The following LSAMP variants were observed in gnomAD, a reference collection of about 807,000 sequenced individuals.
LSAMP encodes the protein limbic system-associated membrane protein.
A neutral mutation model predicts 38.6 loss-of-function variants in LSAMP; 7 were observed. The observed-to-expected ratio is 0.18, with a 90% CI of 0.10 to 0.34. The LOEUF is 0.34. Among genes scored for constraint, LSAMP ranks in the 10% least tolerant of loss-of-function variants. The pLI is 1.00. For missense variants in LSAMP, 313 were observed against 420.0 expected (o/e 0.75, Z 2.23); for synonymous variants, 154 against 166.8 (o/e 0.92, Z 0.59).
In LSAMP at chr3:115,807,724, T is replaced by C. The variant is rs1452421331; in HGVS notation, c.*2593A>G. The C allele has an allele frequency of 6.6e-6, 1 of 152,202 alleles. No homozygotes were observed. The highest frequency in any genetic ancestry group is 1.5e-5 in the Non-Finnish European group (1 of 68,034). The allele number at this position is 152,202 out of a possible 1,614,324, so 9.4% of individuals were successfully genotyped here. A position where few individuals can be genotyped will look rare whatever the true frequency, so the allele number is the denominator to read the frequency against. Reference sequence around the variant, plus strand: ...AAGTGTGTGACTGCCTCTTCAATTTTTGGGGAATGCTTATTATTAAAGATG... The same window carrying C: ...AAGTGTGTGACTGCCTCTTCAATTTCTGGGGAATGCTTATTATTAAAGATG... On this transcript the variant is annotated 3_prime_UTR_variant, in exon 7 of 7. Coordinates refer to ENST00000490035, the MANE Select transcript of LSAMP (RefSeq NM_002338.5).
intron 1 of LSAMP, among the ~76,000 whole-genome samples, chr3:116,184,256 A>AT (rs1710557129): frequency 6.6e-6 from 1 of 151,868 alleles, no homozygotes; most frequent in East Asian, 1.9e-4. Context: ...CCAATGATGG[A>AT]TTTTACTACC....
intron 1 of LSAMP, among the ~76,000 whole-genome samples, chr3:116,348,499 C>A (rs1021760618): frequency 1.3e-5 from 2 of 152,230 alleles, no homozygotes; most frequent in African/African-American, 4.8e-5. Context: ...TGGTTACAAA[C>A]AGCCTCATTG....
At chr3:115,852,392 A>G (rs894623371) in intron 4 of LSAMP, 91 bp downstream of exon 4, 3 of 1,421,384 alleles carry the variant, frequency 2.1e-6, no homozygotes, top group Non-Finnish European at 9.4e-7. Flanking sequence ...CTTGAAATAC[A>G]ATGTTCTTTT....
intron 3 of LSAMP, among the ~76,000 whole-genome samples, chr3:115,875,731 C>A (rs887399119): frequency 2.6e-5 from 4 of 151,642 alleles, no homozygotes; most frequent in African/African-American, 9.7e-5. Context: ...TTCTTGAGCC[C>A]AATACCAAAA....
intron 1 of LSAMP, among the ~76,000 whole-genome samples, chr3:116,236,200 CA>C (rs1184807671): frequency 4.6e-5 from 7 of 151,978 alleles, no homozygotes. Context: ...ATTCTAAAAT[CA>C]TGATTTGCTT....
At chr3:116,173,563 A>G (rs563090634) in intron 1 of LSAMP, among the ~76,000 whole-genome samples, 1 of 152,156 alleles carries the variant, frequency 6.6e-6, no homozygotes, top group Non-Finnish European at 1.5e-5. Flanking sequence ...AGGACCATTA[A>G]AAATGGAAAA....
intron 1 of LSAMP, among the ~76,000 whole-genome samples, chr3:116,263,087 CACTAT>C (rs2046846316): frequency 6.6e-6 from 1 of 152,156 alleles, no homozygotes; most frequent in Non-Finnish European, 1.5e-5. Flanking sequence ...GGGAATATAA[CACTAT>C]AAAAGAGAAT....
chr3:115,912,638 C>T (rs1937160498), intron 3 of LSAMP, among the ~76,000 whole-genome samples: 1 of 152,210 alleles, frequency 6.6e-6, no homozygotes, highest in South Asian at 2.1e-4. Flanking sequence ...CCTTTGCTGG[C>T]ACGAGTGGAG....
intron 1 of LSAMP, among the ~76,000 whole-genome samples, chr3:116,105,030 T>A (rs1203862288): frequency 6.6e-6 from 1 of 152,188 alleles, no homozygotes; most frequent in Non-Finnish European, 1.5e-5. Context: ...GAAAATGTGT[T>A]TGACCATCAG....
chr3:116,107,796 C>T (rs1180856248), intron 1 of LSAMP, among the ~76,000 whole-genome samples: 26 of 152,008 alleles, frequency 1.7e-4, no homozygotes, highest in Admixed American at 8.5e-4. Context: ...AAAGAAAGCA[C>T]GTTTGAGCTG....
At chr3:116,117,807 G>A (rs752866853) in intron 1 of LSAMP, among the ~76,000 whole-genome samples, 5 of 152,058 alleles carry the variant, frequency 3.3e-5, no homozygotes, top group Non-Finnish European at 5.9e-5. Flanking sequence ...TATTAAGAAG[G>A]GTATATACTC....
intron 3 of LSAMP, among the ~76,000 whole-genome samples, chr3:115,964,366 C>T (rs1205812559): frequency 6.6e-6 from 1 of 152,182 alleles, no homozygotes; most frequent in Non-Finnish European, 1.5e-5. Context: ...GTGCAGCTGT[C>T]ACTATATAAA....
chr3:115,828,514 G>T (rs539908849), intron 6 of LSAMP, among the ~76,000 whole-genome samples: 2 of 152,298 alleles, frequency 1.3e-5, no homozygotes, highest in Non-Finnish European at 2.9e-5. Flanking sequence ...ACTGGCACAT[G>T]AGGCAGACTC....
chr3:116,029,071 T>A (rs1406507224), intron 2 of LSAMP, among the ~76,000 whole-genome samples: 1 of 152,140 alleles, frequency 6.6e-6, no homozygotes, highest in Non-Finnish European at 1.5e-5. Context: ...AAAATAAAAT[T>A]GTCACAATTT....
At chr3:116,091,099 G>C (rs1229342433) in intron 1 of LSAMP, among the ~76,000 whole-genome samples, 2 of 152,122 alleles carry the variant, frequency 1.3e-5, no homozygotes, top group Non-Finnish European at 2.9e-5. Flanking sequence ...GCCCCTGGGG[G>C]GCCAGTTCAG....
At chr3:116,055,924 A>G (rs1941482885) in intron 2 of LSAMP, among the ~76,000 whole-genome samples, 1 of 151,960 alleles carries the variant, frequency 6.6e-6, no homozygotes, top group African/African-American at 2.4e-5. Flanking sequence ...GAGTATAACT[A>G]GCATTATAAC....
chr3:116,026,757 C>T (rs1940801170), intron 2 of LSAMP, among the ~76,000 whole-genome samples: 1 of 152,216 alleles, frequency 6.6e-6, no homozygotes, highest in South Asian at 2.1e-4. Flanking sequence ...TATCCCCATC[C>T]TTTGCCACAT....
rs74445306 is a variant in LSAMP, at chr3:116,039,782, A to C, written c.389-20142T>G. 9.1e-3 allele frequency among the ~76,000 whole-genome samples: 1,386 copies of C among 152,332 alleles called. 20 individuals are homozygous for C. The highest frequency in any genetic ancestry group is 0.03 in the African/African-American group (1,237 of 41,570). ...GAGCCTGCTGCGTGAGAGAGATAAA[A>C]GTAGAAACAGCAAATTGGCTGCAAT... On this transcript the variant is annotated intron_variant, in intron 2 of 6. Coordinates refer to ENST00000490035, the MANE Select transcript of LSAMP (RefSeq NM_002338.5).
At chr3:116,139,069 T>G (rs1371768065) in intron 1 of LSAMP, among the ~76,000 whole-genome samples, 1 of 151,836 alleles carries the variant, frequency 6.6e-6, no homozygotes, top group Non-Finnish European at 1.5e-5. Flanking sequence ...GTATATATAA[T>G]ATACATTATC....
Sources: allele counts gnomAD v4.1 joint callset (sites outside exome capture counted in the v4.1 genomes callset), GRCh38; gene constraint gnomAD v4.1.1; transcripts MANE v1.5; gene names NCBI Gene and HGNC (gene_info 2026-07-23, HGNC 2026-07-21).